The following SIVA1 variants were observed in gnomAD, a reference collection of about 807,000 sequenced individuals.
SIVA1 encodes the protein apoptosis regulatory protein Siva.
SIVA1 carries 10 observed loss-of-function variants against 19.7 expected under a neutral mutation model. The observed-to-expected ratio is 0.51, with a 90% CI of 0.31 to 0.86. SIVA1 has a LOEUF of 0.86. SIVA1 is among the 40% of genes least tolerant of loss of function. SIVA1 has a pLI of 0.04. For synonymous variants in SIVA1, 130 were observed against 106.1 expected (o/e 1.23, Z -1.39); for missense variants, 241 against 245.2 (o/e 0.98, Z 0.11).
At chr14:104,754,732 A>G (rs1671146245) in intron 1 of SIVA1, among the ~76,000 whole-genome samples, 2 of 152,176 alleles carry the variant, frequency 1.3e-5, no homozygotes, top group Non-Finnish European at 2.9e-5. Context: ...GAGGACAAGG[A>G]TTAGCCTCAC....
intron 3 of SIVA1, chr14:104,756,965 A>G: frequency 1.6e-6 from 1 of 610,344 alleles, no homozygotes; most frequent in Admixed American, 3.1e-5. Flanking sequence ...GGAAAGCTGA[A>G]CCTCACAGAT....
At chr14:104,756,309 G>A in intron 2 of SIVA1, 1 of 514,040 alleles carries the variant, frequency 1.9e-6, no homozygotes, top group Non-Finnish European at 3.5e-6. Flanking sequence ...CAAGCAACAG[G>A]GGAAGAATGG....
rs755524403 is a variant in SIVA1 at position 104,755,703 on chromosome 14, C to T, written c.192C>T (p.Val64=). 4.3e-5 allele frequency: 70 copies of T among 1,613,956 alleles called. No homozygotes were observed. Among genetic ancestry groups the T allele is most frequent in the Non-Finnish European group, 5.8e-5 (69 of 1,180,002 alleles). ...LDHVWDEGCA[V]VHLPESPKPG... ...ACGTGTGGGATGAAGGCTGTGCCGTCGTTCACCTGCCAGAGTCCCCAAAGC... is the reference window on the plus strand; with the variant it reads ...ACGTGTGGGATGAAGGCTGTGCCGTTGTTCACCTGCCAGAGTCCCCAAAGC... The change falls in exon 2 of 4, where the codon GTC becomes GTT. Residue 64 remains valine (V), a synonymous_variant. Coordinates refer to ENST00000329967, the MANE Select transcript of SIVA1 (RefSeq NM_006427.4).
intron 2 of SIVA1, chr14:104,756,085 C>A: frequency 1.6e-6 from 1 of 608,110 alleles, no homozygotes; most frequent in Non-Finnish European, 3.0e-6. Flanking sequence ...CGCCTGCAGC[C>A]CCCTCAGATA....
Position 104,756,430 on chromosome 14 carries a change from G to A in SIVA1, c.314-174G>A, listed in dbSNP as rs563290992. 7.8e-6 allele frequency: 5 copies of A among 643,578 alleles called. No individual in the cohort carries two copies. In the Middle Eastern group the frequency reaches 1.3e-3, roughly 163 times the overall value. 39.9% of individuals were successfully genotyped at this position (643,578 alleles called of 1,614,324 possible). A position where few individuals can be genotyped will look rare whatever the true frequency, so the allele number is the denominator to read the frequency against. On this transcript the variant is annotated intron_variant, in intron 2 of 3. Coordinates refer to ENST00000329967, the MANE Select transcript of SIVA1 (RefSeq NM_006427.4). The stretch of plus-strand genomic sequence containing the variant: ...CCTTGGATCTCTGTAGTAAAACGGG[G>A]GTCCTGTGCACTGTACCAGGCTCAC...
In SIVA1 at chr14:104,756,656, T is replaced by C. The variant is rs768726282; in HGVS notation, c.366T>C (p.Asp122=). ...GTTCCTCATGCGTGCGAGCCGTGGA[T>C]GGGAAGGCGGTCTGCGGTCAGTGTG... ...IACSSCVRAV[D]GKAVCGQCER... Residue 122 remains aspartate (D), a synonymous_variant, in exon 3 of 4, where the codon GAT becomes GAC. Transcript: ENST00000329967. The C allele has an allele frequency of 1.2e-6, 2 of 1,614,198 alleles. No homozygotes were observed. Among genetic ancestry groups the C allele is most frequent in the East Asian group, 4.5e-5 (2 of 44,884 alleles).
rs1892018734 is a variant in SIVA1 at position 104,759,599 on chromosome 14, T to C, written c.*114T>C. 1.4e-6 allele frequency: 1 copy of C among 740,064 alleles called. No individual in the cohort carries two copies. The highest frequency in any genetic ancestry group is 1.8e-5 in the African/African-American group (1 of 56,946). 45.8% of individuals were successfully genotyped at this position (740,064 alleles called of 1,614,324 possible). On this transcript the variant is annotated 3_prime_UTR_variant, in exon 4 of 4. Coordinates refer to ENST00000329967, the MANE Select transcript of SIVA1 (RefSeq NM_006427.4). This position sits in a 1 kb window ranked among gnomAD's most constrained non-coding sequence, Gnocchi z 4.2. ...TGGGGTCGACGGGAGGGGTGCCTTT[T>C]ACATGTTCTATTTTGTATCCTAATG...
chr14:104,753,167 G>A lies in SIVA1; in HGVS notation c.-35G>A. 2 of 1,401,834 alleles carry A rather than the reference G, an allele frequency of 1.4e-6. No individual in the cohort carries two copies. Among genetic ancestry groups the A allele is most frequent in the East Asian group, 2.5e-5 (1 of 39,596 alleles). 86.8% of individuals were successfully genotyped at this position (1,401,834 alleles called of 1,614,324 possible). On this transcript the variant is annotated 5_prime_UTR_variant, in exon 1 of 4. Coordinates refer to ENST00000329967, the MANE Select transcript of SIVA1 (RefSeq NM_006427.4). ...ACGGCGTCGTTGGTAAGGGGCTGGC[G>A]GCCGGGGAGCTGCGTAGCTCCCGGC...
rs944397303 is a variant in SIVA1 at position 104,753,466 on chromosome 14, A to G, written c.118+147A>G. On this transcript the variant is annotated intron_variant, in intron 1 of 3. Transcript: ENST00000329967. Reference sequence around the variant, plus strand: ...CCGGAAGCTGGGAGGCCGCGGGGACACAAGCTGGCCACGCCCAGGGCTGGG... The same window carrying G: ...CCGGAAGCTGGGAGGCCGCGGGGACGCAAGCTGGCCACGCCCAGGGCTGGG... 8 of 587,988 alleles carry G rather than the reference A, an allele frequency of 1.4e-5. No homozygotes were observed. In the East Asian group the frequency reaches 2.2e-4, roughly 17 times the overall value. 36.4% of individuals were successfully genotyped at this position (587,988 alleles called of 1,614,324 possible). A position where few individuals can be genotyped will look rare whatever the true frequency, so the allele number is the denominator to read the frequency against.
chr14:104,757,325 T>C, intron 3 of SIVA1: 1 of 423,332 alleles, frequency 2.4e-6, no homozygotes, highest in East Asian at 8.3e-5. Context: ...CTGTTTGCCC[T>C]GCCCCGTGAG....
At chr14:104,757,521 A>G (rs1200534468) in intron 3 of SIVA1, 1 of 173,434 alleles carries the variant, frequency 5.8e-6, no homozygotes, top group South Asian at 9.8e-5. Context: ...AGCCCTGGGC[A>G]GGGGGGGCAG....
intron 3 of SIVA1, 22 bp downstream of exon 3, chr14:104,756,782 G>A: frequency 6.3e-7 from 1 of 1,593,556 alleles, no homozygotes. Flanking sequence ...AGTCCCTGGA[G>A]CTGCTGAGAT....
intron 1 of SIVA1, among the ~76,000 whole-genome samples, chr14:104,753,554 A>T (rs936292453): frequency 1.3e-5 from 2 of 152,138 alleles, no homozygotes; most frequent in African/African-American, 4.8e-5. Context: ...CTGAAAGAAA[A>T]GGGTCCCTGC....
At position 104,759,339 on chromosome 14, in the gene SIVA1, A is replaced by T; in HGVS notation, c.471-89A>T. 1.8e-6 allele frequency: 2 copies of T among 1,090,582 alleles called. No homozygotes were observed. The highest frequency in any genetic ancestry group is 2.7e-6 in the Non-Finnish European group (2 of 732,356). The allele number at this position is 1,090,582 out of a possible 1,614,324, so 67.6% of individuals were successfully genotyped here. A position where few individuals can be genotyped will look rare whatever the true frequency, so the allele number is the denominator to read the frequency against. On this transcript the variant is annotated intron_variant, in intron 3 of 3. Transcript: ENST00000329967. This position sits in a 1 kb window ranked among gnomAD's most constrained non-coding sequence, Gnocchi z 4.2. Reference sequence around the variant, plus strand: ...GTCATGTCCTGAGGTGTTCTGGGTTAGGACTTTGACGTTTGAATGGTGGGG... The same window carrying T: ...GTCATGTCCTGAGGTGTTCTGGGTTTGGACTTTGACGTTTGAATGGTGGGG...
intron 1 of SIVA1, among the ~76,000 whole-genome samples, chr14:104,754,358 G>A (rs1166226998): frequency 1.1e-4 from 17 of 152,204 alleles, no homozygotes; most frequent in Admixed American, 1.0e-3. Flanking sequence ...GTGTGCTAGG[G>A]CTGTGAAAGC....
intron 3 of SIVA1, chr14:104,758,402 A>G (rs1891971858): frequency 6.6e-6 from 1 of 151,962 alleles, no homozygotes; most frequent in East Asian, 1.9e-4. Flanking sequence ...TGGGGTAGCC[A>G]TTGCCAGTCC....
At chr14:104,756,064 C>T (rs1443825027) in intron 2 of SIVA1, 7 of 640,540 alleles carry the variant, frequency 1.1e-5, no homozygotes, top group South Asian at 4.8e-5. Flanking sequence ...CCGGGTATCC[C>T]GTCTGCTTTC....
intron 3 of SIVA1, chr14:104,757,429 G>T (rs1373415288): frequency 3.6e-6 from 1 of 275,270 alleles, no homozygotes; most frequent in Admixed American, 4.6e-5. Context: ...ATCTAAAATA[G>T]AAACCACATG....
Position 104,759,368 on chromosome 14 carries a change from G to A in SIVA1, c.471-60G>A, listed in dbSNP as rs1043513031. The A allele has an allele frequency of 8.4e-6, 12 of 1,426,964 alleles. No individual in the cohort carries two copies. The highest frequency in any genetic ancestry group is 1.2e-5 in the Non-Finnish European group (12 of 1,021,430). 88.4% of individuals were successfully genotyped at this position (1,426,964 alleles called of 1,614,324 possible). On this transcript the variant is annotated intron_variant, in intron 3 of 3. Transcript: ENST00000329967. This position sits in a 1 kb window ranked among gnomAD's most constrained non-coding sequence, Gnocchi z 4.2. The stretch of plus-strand genomic sequence containing the variant: ...CTTTGACGTTTGAATGGTGGGGGGT[G>A]GTGGACACAATTCAGCCCCTGACAG...
Sources: gnomAD v4.1 joint callset for allele counts (sites outside exome capture counted in the v4.1 genomes callset) on GRCh38, gnomAD v4.1.1 for gene constraint, Gnocchi (gnomAD v3.1) non-coding constraint, MANE v1.5 for transcripts, NCBI Gene and HGNC (gene_info 2026-07-23, HGNC 2026-07-21) for gene names.